Variants in MYH16 observed in about 807,000 individuals in gnomAD.
MYH16 encodes myosin heavy chain 16.
intron 40 of MYH16, among the ~76,000 whole-genome samples, chr7:99,305,028 A>C (rs538788383): frequency 1.8e-4 from 27 of 152,178 alleles, no homozygotes; most frequent in Admixed American, 6.5e-4. Context: ...CTCTTAAAAA[A>C]AAAATGTTAA....
chr7:99,269,865 C>CTTTTT (rs983455403), intron 18 of MYH16, among the ~76,000 whole-genome samples: 2 of 107,702 alleles, frequency 1.9e-5, no homozygotes, highest in African/African-American at 4.1e-5. Context: ...TCTGGGGACA[C>CTTTTT]TTTTTTTTTT....
intron 34 of MYH16, 64 bp downstream of exon 15, chr7:99,296,981 C>T: frequency 2.3e-6 from 1 of 438,470 alleles, no homozygotes; most frequent in Non-Finnish European, 4.6e-6. Context: ...GAGTCCCCTT[C>T]ATCCTGAGCA....
intron 2 of MYH16, among the ~76,000 whole-genome samples, chr7:99,246,267 A>C (rs1791728944): frequency 1.3e-5 from 2 of 152,220 alleles, no homozygotes; most frequent in African/African-American, 4.8e-5. Context: ...ACAGGTAAAA[A>C]ACAGGTGGTC....
chr7:99,280,509 C>T (rs1459232265), intron 22 of MYH16, among the ~76,000 whole-genome samples: 2 of 152,224 alleles, frequency 1.3e-5, no homozygotes, highest in African/African-American at 2.4e-5. Flanking sequence ...CCTGCTATTG[C>T]AGGTGGGTTG....
chr7:99,277,935 G>GAGAGAGAC (rs1554337693), intron 21 of MYH16, among the ~76,000 whole-genome samples: 1 of 143,784 alleles, frequency 7.0e-6, no homozygotes, highest in East Asian at 2.0e-4. Context: ...GAGAGAGAGA[G>GAGAGAGAC]AGACAGACAG....
intron 28 of MYH16, chr7:99,286,542 C>G (rs975603328): frequency 1.3e-5 from 2 of 152,496 alleles, no homozygotes; most frequent in African/African-American, 4.8e-5. Flanking sequence ...TCCCAGGGGG[C>G]CCAGAAACCC....
At chr7:99,286,171 C>T (rs990841026) in intron 27 of MYH16, among the ~76,000 whole-genome samples, 3 of 152,214 alleles carry the variant, frequency 2.0e-5, no homozygotes, top group Non-Finnish European at 4.4e-5. Flanking sequence ...GCTTGTAATC[C>T]AAATACCTTG....
chr7:99,267,371 G>C (rs757232303), intron 18 of MYH16, among the ~76,000 whole-genome samples: 1 of 152,130 alleles, frequency 6.6e-6, no homozygotes, highest in East Asian at 1.9e-4. Context: ...TGGGACTTAA[G>C]GCATACACCA....
intron 37 of MYH16, among the ~76,000 whole-genome samples, chr7:99,300,605 G>A (rs1269561443): frequency 1.3e-5 from 2 of 152,132 alleles, no homozygotes; most frequent in South Asian, 2.1e-4. Flanking sequence ...GCTTGAGTTC[G>A]TGACTGGCCT....
chr7:99,255,274 A>AT (rs1243170754), intron 8 of MYH16, among the ~76,000 whole-genome samples: 1 of 151,944 alleles, frequency 6.6e-6, no homozygotes, highest in Non-Finnish European at 1.5e-5. Flanking sequence ...GTCTCAAAAA[A>AT]TTTTTTTAAA....
intron 18 of MYH16, among the ~76,000 whole-genome samples, chr7:99,269,843 A>G (rs1792026353): frequency 6.7e-6 from 1 of 148,414 alleles, no homozygotes; most frequent in African/African-American, 2.5e-5. Context: ...CCTTGGCTAT[A>G]CATTAGACTC....
At chr7:99,242,761 C>G (rs1584339101) in intron 1 of MYH16, among the ~76,000 whole-genome samples, 2 of 152,306 alleles carry the variant, frequency 1.3e-5, no homozygotes, top group South Asian at 4.1e-4. Flanking sequence ...CTCTTCCCCC[C>G]ACCCTTCTCA....
chr7:99,281,157 T>C (rs983609138), intron 23 of MYH16, among the ~76,000 whole-genome samples, 177 bp downstream of exon 5: 4 of 152,176 alleles, frequency 2.6e-5, no homozygotes, highest in Non-Finnish European at 5.9e-5. Flanking sequence ...GACATGGGTG[T>C]GGCCCCCCCT....
chr7:99,240,590 C>A (rs745631557), intron 1 of MYH16, among the ~76,000 whole-genome samples: 5 of 152,158 alleles, frequency 3.3e-5, no homozygotes, highest in African/African-American at 4.8e-5. Flanking sequence ...GCAGCTCAAG[C>A]CTGTAATCCC....
At chr7:99,283,736 C>G in intron 24 of MYH16, 85 bp downstream of exon 6, 1 of 450,326 alleles carries the variant, frequency 2.2e-6, no homozygotes, top group Non-Finnish European at 4.5e-6. Flanking sequence ...GTTTTGAGAA[C>G]TGGACCAACA....
chr7:99,264,765 C>T (rs1791971045), intron 15 of MYH16, among the ~76,000 whole-genome samples: 1 of 152,164 alleles, frequency 6.6e-6, no homozygotes, highest in Non-Finnish European at 1.5e-5. Context: ...GGGAAGCTAA[C>T]AGTGGACAGG....
chr7:99,265,862 T>C (rs1292318508), intron 17 of MYH16, among the ~76,000 whole-genome samples: 1 of 152,142 alleles, frequency 6.6e-6, no homozygotes, highest in Non-Finnish European at 1.5e-5. Flanking sequence ...TTCAGGGTGG[T>C]ATGGCCATAG....
At chr7:99,281,086 C>G (rs1792193669) in intron 23 of MYH16, 106 bp downstream of exon 5, 2 of 202,092 alleles carry the variant, frequency 9.9e-6, no homozygotes, top group South Asian at 1.0e-4. Context: ...CCTGCCGCCC[C>G]CTCAGCTTGG....
chr7:99,304,994 G>A (rs111523465), intron 40 of MYH16, among the ~76,000 whole-genome samples: 20 of 152,028 alleles, frequency 1.3e-4, no homozygotes, highest in African/African-American at 3.4e-4. Flanking sequence ...GAGACCAGCC[G>A]GGGCAACATA....
Sources: gnomAD v4.1 joint callset for allele counts (sites outside exome capture counted in the v4.1 genomes callset) on GRCh38, gnomAD v4.1.1 for gene constraint, MANE v1.5 for transcripts, NCBI Gene and HGNC (gene_info 2026-07-23, HGNC 2026-07-21) for gene names.